The following PTPN18 variants were observed in gnomAD, a reference collection of about 807,000 sequenced individuals.
PTPN18 encodes tyrosine-protein phosphatase non-receptor type 18.
A neutral mutation model predicts 65.4 loss-of-function variants in PTPN18; 65 were observed. The observed-to-expected ratio is 0.99, with a 90% CI of 0.81 to 1.22. The LOEUF (loss-of-function observed/expected upper bound fraction) is 1.22, where lower values mean the gene tolerates loss of function less well. Ranked by LOEUF, PTPN18 falls within the 50% of genes most tolerant of loss-of-function variation. The probability of loss-of-function intolerance (pLI) is 0.00; values close to 1 mark genes in which losing one functional copy is unlikely to be tolerated. For missense variants in PTPN18, 616 were observed against 646.5 expected (o/e 0.95, Z 0.51); for synonymous variants, 255 against 267.8 (o/e 0.95, Z 0.47).
chr2:130,375,107 C>T lies in PTPN18; in HGVS notation c.*1883C>T. 1 of 185,918 alleles carries T rather than the reference C, an allele frequency of 5.4e-6. No individual in the cohort carries two copies. Among genetic ancestry groups the T allele is most frequent in the Non-Finnish European group, 1.1e-5 (1 of 88,036 alleles). 11.5% of individuals were successfully genotyped at this position (185,918 alleles called of 1,614,324 possible). On this transcript the variant is annotated 3_prime_UTR_variant, in exon 15 of 15. Coordinates refer to ENST00000175756, the MANE Select transcript of PTPN18 (RefSeq NM_014369.4). ...AGCTGACCCTGTGCTGCCTCCCACT[C>T]TCCCAATGCCCCTGCCACTCCTGTG...
chr2:130,358,864 C>T lies in PTPN18; in HGVS notation c.94-3C>T, dbSNP rs889952712. On this transcript the variant is annotated splice_region_variant and splice_polypyrimidine_tract_variant and intron_variant, in intron 1 of 14. Transcript: ENST00000175756. ...CCCTGACCCACTCATAATGCTCTAC[C>T]AGGACATCCAGGCCTGCTCGGCCGC... 6.2e-7 allele frequency: 1 copy of T among 1,609,612 alleles called. No homozygotes were observed. Among genetic ancestry groups the T allele is most frequent in the Non-Finnish European group, 8.5e-7 (1 of 1,176,722 alleles).
intron 5 of PTPN18, among the ~76,000 whole-genome samples, chr2:130,362,717 C>T (rs1450465229): frequency 6.6e-6 from 1 of 152,170 alleles, no homozygotes; most frequent in Non-Finnish European, 1.5e-5. Flanking sequence ...TCTTTTTAAA[C>T]AGCTTTATTG....
At chr2:130,367,767 TCTGGTTCATTGA>T (rs1446871071) in intron 5 of PTPN18, among the ~76,000 whole-genome samples, 2 of 152,196 alleles carry the variant, frequency 1.3e-5, no homozygotes, top group African/African-American at 4.8e-5. Context: ...TTATTCTCCC[TCTGGTTCATTGA>T]CTTTCTTGGA....
rs1680712624 is a variant in PTPN18, at chr2:130,375,302, G to A, written c.*2078G>A. 6.5e-6 allele frequency: 1 copy of A among 153,362 alleles called. No individual in the cohort carries two copies. Among genetic ancestry groups the A allele is most frequent in the Non-Finnish European group, 1.5e-5 (1 of 68,848 alleles). The allele number at this position is 153,362 out of a possible 1,614,324, so 9.5% of individuals were successfully genotyped here. On this transcript the variant is annotated 3_prime_UTR_variant, in exon 15 of 15. Transcript: ENST00000175756. Reference sequence around the variant, plus strand: ...GACCCACTGCCTGCCCAGCTGGTACGATCCACATGCCCTCTTCTTGGGAAT... The same window carrying A: ...GACCCACTGCCTGCCCAGCTGGTACAATCCACATGCCCTCTTCTTGGGAAT...
chr2:130,362,260 G>A, intron 5 of PTPN18: 1 of 436,922 alleles, frequency 2.3e-6, no homozygotes. Context: ...ATGAGCCACT[G>A]CATCTAGCCA....
At chr2:130,368,960 G>A in intron 5 of PTPN18, 173 bp from the exon 6 acceptor site, 1 of 586,498 alleles carries the variant, frequency 1.7e-6, no homozygotes, top group Non-Finnish European at 3.1e-6. Flanking sequence ...CCTCCATTGA[G>A]TCTGCATGTG....
In PTPN18 at chr2:130,375,068, T is replaced by G; in HGVS notation, c.*1844T>G. 1 of 199,674 alleles carries G rather than the reference T, an allele frequency of 5.0e-6. No homozygotes were observed. The highest frequency in any genetic ancestry group is 1.0e-5 in the Non-Finnish European group (1 of 95,966). 12.4% of individuals were successfully genotyped at this position (199,674 alleles called of 1,614,324 possible). A position where few individuals can be genotyped will look rare whatever the true frequency, so the allele number is the denominator to read the frequency against. ...CCACTCTAGAGCTGCCCCGTTTCTCTGTTTTCGTGAAAGAGCTGACCCTGT... is the reference window on the plus strand; with the variant it reads ...CCACTCTAGAGCTGCCCCGTTTCTCGGTTTTCGTGAAAGAGCTGACCCTGT... On this transcript the variant is annotated 3_prime_UTR_variant, in exon 15 of 15. Coordinates refer to ENST00000175756, the MANE Select transcript of PTPN18 (RefSeq NM_014369.4).
chr2:130,372,124 A>G, intron 12 of PTPN18, 133 bp from the exon 13 acceptor site: 1 of 825,156 alleles, frequency 1.2e-6, no homozygotes, highest in Non-Finnish European at 1.8e-6. Context: ...CTCCAACCCA[A>G]GGAGCCCTCC....
rs11892325 is a variant in PTPN18, at chr2:130,358,918, G to A, written c.145G>A (p.Val49Met). 1.1e-4 allele frequency: 172 copies of A among 1,614,180 alleles called. 1 individual carries two copies. The Admixed American group carries it at 1.6e-3, about 15-fold the overall frequency. Reference protein sequence around the residue: ...AWKADGVCSTVAGSRPENVRK... With the variant: ...AWKADGVCSTMAGSRPENVRK... ...GAAGGCTGACGGCGTGTGCTCCACC[G>A]TGGCCGGCAGTCGGCCAGAGAACGT... The change falls in exon 2 of 15, where the codon GTG (valine) becomes ATG (methionine). Residue 49 changes from valine (V) to methionine (M), a missense_variant. Physicochemically the swap from Val to Met is conservative, Grantham distance 21. Transcript: ENST00000175756.
chr2:130,370,467 C>G (rs533391872), intron 8 of PTPN18, 90 bp from the exon 9 acceptor site: 1 of 1,428,300 alleles, frequency 7.0e-7, no homozygotes, highest in Admixed American at 1.7e-5. Flanking sequence ...GCAGGGGATC[C>G]ATCAGGACCC....
At chr2:130,358,829 C>A in intron 1 of PTPN18, 38 bp from the exon 2 acceptor site, 1 of 1,560,122 alleles carries the variant, frequency 6.4e-7, no homozygotes, top group Non-Finnish European at 8.8e-7. Context: ...CCTCTCCTGT[C>A]TTCTCCCCTC....
Position 130,366,542 on chromosome 2 carries a change from G to C in PTPN18, c.415-2591G>C, listed in dbSNP as rs1454125889. 8.5e-5 allele frequency among the ~76,000 whole-genome samples: 13 copies of C among 152,272 alleles called. No individual in the cohort carries two copies. The East Asian group carries it at 2.1e-3, about 25-fold the overall frequency. On this transcript the variant is annotated intron_variant, in intron 5 of 14. Transcript: ENST00000175756. ...AGAATTTTTGTGTCTATGTTTGTGA[G>C]ATATTGGTTAGTAGTTTTCTTTTCT...
At chr2:130,371,313 T>C in intron 12 of PTPN18, 26 bp downstream of exon 12, 1 of 1,525,116 alleles carries the variant, frequency 6.6e-7, no homozygotes, top group Non-Finnish European at 9.0e-7. Context: ...CCCGGATTCT[T>C]CCCTGCCCAA....
chr2:130,371,865 G>C (rs1680574186), intron 12 of PTPN18: 1 of 212,610 alleles, frequency 4.7e-6, no homozygotes, highest in Non-Finnish European at 9.3e-6. Context: ...CCGCCTTCTT[G>C]TCAGGCCGCA....
At chr2:130,370,313 C>A in intron 8 of PTPN18, 123 bp downstream of exon 8, 1 of 1,413,668 alleles carries the variant, frequency 7.1e-7, no homozygotes, top group South Asian at 1.3e-5. Context: ...TGCTCACCCT[C>A]CATGGACTGT....
Position 130,358,964 on chromosome 2 carries a change from A to T in PTPN18, c.191A>T (p.Asp64Val). The change falls in exon 2 of 15, where the codon GAC (aspartate) becomes GTC (valine). Residue 64 changes from aspartate to valine, a missense_variant. Physicochemically the swap from Asp to Val is radical, Grantham distance 152. Around this residue, in one of 3 missense-constraint regions of PTPN18, gnomAD observed 223 missense variants for 210.0 expected, o/e 1.06. Transcript: ENST00000175756. ...AACGTGAGGAAGAACCGCTACAAAG[A>T]CGTGCTGCCTTGTAAGTCGGGGCTT... The part of the protein sequence containing the change: ...PENVRKNRYK[D>V]VLPYDQTRVI... 6.2e-7 allele frequency: 1 copy of T among 1,613,974 alleles called. No individual in the cohort carries two copies. The highest frequency in any genetic ancestry group is 8.5e-7 in the Non-Finnish European group (1 of 1,179,878).
Position 130,374,822 on chromosome 2 carries a change from G to T in PTPN18, c.*1598G>T. 2.4e-6 allele frequency: 1 copy of T among 414,306 alleles called. No individual in the cohort carries two copies. Among genetic ancestry groups the T allele is most frequent in the South Asian group, 1.7e-5 (1 of 58,856 alleles). The allele number at this position is 414,306 out of a possible 1,614,324, so 25.7% of individuals were successfully genotyped here. On this transcript the variant is annotated 3_prime_UTR_variant, in exon 15 of 15. Coordinates refer to ENST00000175756, the MANE Select transcript of PTPN18 (RefSeq NM_014369.4). ...GCTGCATCCATGGTCGATCTCAAGTGCCTTGGCATGAACTCCACTCTCCTG... is the reference window on the plus strand; with the variant it reads ...GCTGCATCCATGGTCGATCTCAAGTTCCTTGGCATGAACTCCACTCTCCTG...
At chr2:130,369,406 G>A (rs1046640990) in intron 6 of PTPN18, among the ~76,000 whole-genome samples, 4 of 152,224 alleles carry the variant, frequency 2.6e-5, no homozygotes, top group African/African-American at 7.2e-5. Flanking sequence ...ATGTAAATGT[G>A]CCTGGTTAGG....
At chr2:130,363,445 C>CA (rs201567386) in intron 5 of PTPN18, among the ~76,000 whole-genome samples, 321 of 150,002 alleles carry the variant, frequency 2.1e-3, no homozygotes, top group African/African-American at 6.8e-3. Context: ...GACTGTCTCT[C>CA]AAAAAAAAAG....
Sources: allele counts gnomAD v4.1 joint callset (sites outside exome capture counted in the v4.1 genomes callset), GRCh38; gene constraint gnomAD v4.1.1; regional missense constraint gnomAD v4.1.1; transcripts MANE v1.5; gene names NCBI Gene and HGNC (gene_info 2026-07-23, HGNC 2026-07-21).